The following TAFA4 variants were observed in gnomAD, a reference collection of about 807,000 sequenced individuals.
The protein encoded by TAFA4 is TAFA chemokine like family member 4, also known as chemokine-like protein TAFA-4.
Under a neutral mutation model 21.1 loss-of-function variants are expected in TAFA4, and 20 were observed. The observed-to-expected ratio is 0.95, with a 90% CI of 0.67 to 1.38. TAFA4 has a LOEUF of 1.38. Ranked by LOEUF, TAFA4 falls within the 40% of genes most tolerant of loss-of-function variation. The pLI is 0.00. For missense variants in TAFA4, 211 were observed against 180.9 expected, an observed-to-expected ratio of 1.17 and a Z score of -0.95; for synonymous variants, 71 against 67.4, an observed-to-expected ratio of 1.05 and a Z score of -0.26.
intron 3 of TAFA4, among the ~76,000 whole-genome samples, chr3:68,878,515 T>C (rs2089579586): frequency 6.6e-6 from 1 of 152,118 alleles, no homozygotes. Context: ...ACATATTTGC[T>C]ACCCTCTTGT....
intron 3 of TAFA4, among the ~76,000 whole-genome samples, chr3:68,793,183 A>C (rs1575610631): frequency 6.6e-6 from 1 of 152,176 alleles, no homozygotes; most frequent in East Asian, 1.9e-4. Flanking sequence ...TGGATCTTTG[A>C]GTGAGATTGT....
chr3:68,908,139 G>A (rs554834960), intron 1 of TAFA4, among the ~76,000 whole-genome samples: 8 of 152,300 alleles, frequency 5.3e-5, no homozygotes, highest in East Asian at 1.9e-4. Context: ...TAGGCTGGAC[G>A]TAATGAAAAT....
chr3:68,886,060 G>C (rs2089669589), intron 1 of TAFA4, among the ~76,000 whole-genome samples: 1 of 152,122 alleles, frequency 6.6e-6, no homozygotes, highest in Non-Finnish European at 1.5e-5. Flanking sequence ...AAAGATCAGA[G>C]AAAAATTATG....
At chr3:68,889,618 A>C (rs1183881515) in intron 1 of TAFA4, among the ~76,000 whole-genome samples, 1 of 152,154 alleles carries the variant, frequency 6.6e-6, no homozygotes, top group African/African-American at 2.4e-5. Flanking sequence ...TTTTCACTCT[A>C]AAACTCTACA....
intron 3 of TAFA4, among the ~76,000 whole-genome samples, chr3:68,756,500 C>A (rs766460931): frequency 1.3e-5 from 2 of 152,168 alleles, no homozygotes; most frequent in Non-Finnish European, 2.9e-5. Context: ...TAAAAATATT[C>A]CATGATTCAG....
At chr3:68,894,278 C>G (rs2089762017) in intron 1 of TAFA4, among the ~76,000 whole-genome samples, 1 of 152,006 alleles carries the variant, frequency 6.6e-6, no homozygotes, top group Non-Finnish European at 1.5e-5. Flanking sequence ...CCCACCTCAG[C>G]TTCCCAGGTA....
chr3:68,916,300 C>T (rs773137997), intron 1 of TAFA4: 2 of 152,214 alleles, frequency 1.3e-5, no homozygotes, highest in Non-Finnish European at 2.9e-5. Context: ...TTGGAGGATT[C>T]TCTGATGGCT....
intron 3 of TAFA4, among the ~76,000 whole-genome samples, chr3:68,805,396 T>G (rs1032024579): frequency 6.6e-6 from 1 of 152,200 alleles, no homozygotes; most frequent in Non-Finnish European, 1.5e-5. Flanking sequence ...GTCACTGTGG[T>G]GATTCCTCAA....
intron 3 of TAFA4, among the ~76,000 whole-genome samples, chr3:68,835,661 A>G (rs1412614369): frequency 6.6e-6 from 1 of 152,260 alleles, no homozygotes; most frequent in Non-Finnish European, 1.5e-5. Flanking sequence ...GCTGTCTAAC[A>G]TGCATACAAA....
At chr3:68,776,481 A>G (rs1703051934) in intron 3 of TAFA4, among the ~76,000 whole-genome samples, 1 of 152,228 alleles carries the variant, frequency 6.6e-6, no homozygotes, top group Non-Finnish European at 1.5e-5. Context: ...AAAGCCTGAA[A>G]GTGTATGCTG....
At chr3:68,866,918 C>A (rs913492783) in intron 3 of TAFA4, among the ~76,000 whole-genome samples, 5 of 151,898 alleles carry the variant, frequency 3.3e-5, no homozygotes, top group African/African-American at 1.2e-4. Flanking sequence ...AGGACACCTA[C>A]AGAATATGAG....
chr3:68,742,161 C>G (rs776088080), intron 4 of TAFA4, among the ~76,000 whole-genome samples: 4 of 152,084 alleles, frequency 2.6e-5, no homozygotes, highest in South Asian at 4.2e-4. Flanking sequence ...ATTCAACATC[C>G]CTTTATGATA....
chr3:68,813,119 GA>G (rs60695866), intron 3 of TAFA4, among the ~76,000 whole-genome samples: 1 of 152,002 alleles, frequency 6.6e-6, no homozygotes, highest in African/African-American at 2.4e-5. Flanking sequence ...GATGTTCTTT[GA>G]AACCGACGAG....
intron 3 of TAFA4, among the ~76,000 whole-genome samples, chr3:68,824,414 A>G (rs1704181326): frequency 6.6e-6 from 1 of 151,912 alleles, no homozygotes; most frequent in Non-Finnish European, 1.5e-5. Context: ...TTCCATCGTA[A>G]AAGTACATCA....
chr3:68,895,689 T>G (rs2089781638), intron 1 of TAFA4, among the ~76,000 whole-genome samples: 1 of 152,190 alleles, frequency 6.6e-6, no homozygotes, highest in Non-Finnish European at 1.5e-5. Flanking sequence ...GCATGATTAA[T>G]TCAACAAGGA....
rs1704653769 is a variant in TAFA4, at chr3:68,841,160, A to G, written c.130+39570T>C. Reference sequence around the variant, plus strand: ...AAAACGGTGAAACCCCGTCTCTACTAAAAATACAAAAAATTAGCCGGGCGT... The same window carrying G: ...AAAACGGTGAAACCCCGTCTCTACTGAAAATACAAAAAATTAGCCGGGCGT... On this transcript the variant is annotated intron_variant, in intron 3 of 5. Transcript: ENST00000295569. Among the ~76,000 whole-genome samples the G allele has an allele frequency of 2.4e-5, 2 of 82,334 alleles. 1 individual carries two copies. Among genetic ancestry groups the G allele is most frequent in the South Asian group, 7.9e-4 (2 of 2,544 alleles). The allele number at this position is 82,334 out of a possible 152,430, so 54.0% of individuals were successfully genotyped here. A position where few individuals can be genotyped will look rare whatever the true frequency, so the allele number is the denominator to read the frequency against.
At chr3:68,871,321 A>T (rs933973834) in intron 3 of TAFA4, among the ~76,000 whole-genome samples, 2 of 152,094 alleles carry the variant, frequency 1.3e-5, no homozygotes, top group Non-Finnish European at 2.9e-5. Context: ...AAGAACCTAT[A>T]TTGGGGAAAG....
In TAFA4 at chr3:68,775,734, G is replaced by A. The variant is rs754190453; in HGVS notation, c.131-22716C>T. 4.0e-4 allele frequency among the ~76,000 whole-genome samples: 61 copies of A among 152,106 alleles called. 1 individual carries two copies. The highest frequency in any genetic ancestry group is 5.6e-4 in the African/African-American group (23 of 41,412). ...AGGCAAGGGAAGGCTGTGGGGACCCGGGCAATGATAGCAACAACCAAAAAC... is the reference window on the plus strand; with the variant it reads ...AGGCAAGGGAAGGCTGTGGGGACCCAGGCAATGATAGCAACAACCAAAAAC... On this transcript the variant is annotated intron_variant, in intron 3 of 5. Coordinates refer to ENST00000295569, the MANE Select transcript of TAFA4 (RefSeq NM_182522.5).
chr3:68,734,767 C>T (rs185406980), intron 5 of TAFA4, among the ~76,000 whole-genome samples: 1 of 152,170 alleles, frequency 6.6e-6, no homozygotes, highest in Admixed American at 6.6e-5. Context: ...AAATATGTGA[C>T]TTGAATGACA....
Sources: gnomAD v4.1 joint callset for allele counts (sites outside exome capture counted in the v4.1 genomes callset) on GRCh38, gnomAD v4.1.1 for gene constraint, MANE v1.5 for transcripts, NCBI Gene and HGNC (gene_info 2026-07-23, HGNC 2026-07-21) for gene names.